The following LRRK1 variants were observed in gnomAD, a reference collection of about 807,000 sequenced individuals.
LRRK1 encodes leucine-rich repeat serine/threonine-protein kinase 1.
A neutral mutation model predicts 209.1 loss-of-function variants in LRRK1; 113 were observed. That is an observed-to-expected ratio of 0.54 (90% confidence interval 0.46 to 0.63). LRRK1 has a LOEUF of 0.63. Ranked by LOEUF, LRRK1 falls within the 30% of genes least tolerant of loss-of-function variation. LRRK1 has a pLI of 0.00. For missense variants in LRRK1, 2,284 were observed against 2,632.2 expected, an observed-to-expected ratio of 0.87 and a Z score of 2.89; for synonymous variants, 1,144 against 1,099.7, an observed-to-expected ratio of 1.04 and a Z score of -0.80.
In LRRK1 at chr15:101,074,007, T is replaced by C. The variant is rs1053778747; in HGVS notation, c.*5159T>C. On this transcript the variant is annotated 3_prime_UTR_variant, in exon 34 of 34. Coordinates refer to ENST00000388948, the MANE Select transcript of LRRK1 (RefSeq NM_024652.6). ...CATCCTGCAAGATCTAAATAATTCT[T>C]GTCGTAAAATGGGCAAATGGTCTGA... The C allele has an allele frequency of 3.1e-4, 47 of 152,110 alleles. No homozygotes were observed. The highest frequency in any genetic ancestry group is 7.2e-4 in the African/African-American group (30 of 41,420). The allele number at this position is 152,110 out of a possible 1,614,324, so 9.4% of individuals were successfully genotyped here.
chr15:101,034,080 A>G (rs1311113574), intron 20 of LRRK1, among the ~76,000 whole-genome samples: 2 of 152,080 alleles, frequency 1.3e-5, no homozygotes, highest in Non-Finnish European at 2.9e-5. Context: ...AAAAATGTCT[A>G]TTCATGTCCT....
chr15:101,000,349 A>C (rs2032624468), intron 6 of LRRK1, among the ~76,000 whole-genome samples: 1 of 152,096 alleles, frequency 6.6e-6, no homozygotes, highest in African/African-American at 2.4e-5. Context: ...TCCTTTTGTT[A>C]TCTGTGTGAT....
At chr15:100,925,108 C>G (rs934623009) in intron 2 of LRRK1, among the ~76,000 whole-genome samples, 4 of 152,160 alleles carry the variant, frequency 2.6e-5, no homozygotes, top group Admixed American at 1.3e-4. Flanking sequence ...CCCGCTATCT[C>G]AAACACAAGT....
intron 12 of LRRK1, among the ~76,000 whole-genome samples, chr15:101,019,294 G>T (rs1447066392): frequency 6.6e-6 from 1 of 152,184 alleles, no homozygotes; most frequent in Non-Finnish European, 1.5e-5. Context: ...TCTCTGGGGA[G>T]AAAGTAAGCC....
Position 101,027,558 on chromosome 15 carries a change from A to G in LRRK1, c.2527-80A>G. 1 of 1,558,386 alleles carries G rather than the reference A, an allele frequency of 6.4e-7. No homozygotes were observed. Among genetic ancestry groups the G allele is most frequent in the Admixed American group, 1.9e-5 (1 of 52,300 alleles). On this transcript the variant is annotated intron_variant, in intron 18 of 33. Transcript: ENST00000388948. The surrounding 1 kb of genome is among the most constrained non-coding windows in gnomAD (Gnocchi z 5.1). Reference sequence around the variant, plus strand: ...GAAACGTCCCACCCCCTCAGGCCACAGGGGCCGGGCAGGATCTGCCCAAGC... The same window carrying G: ...GAAACGTCCCACCCCCTCAGGCCACGGGGGCCGGGCAGGATCTGCCCAAGC...
At chr15:100,942,353 T>C (rs1352105279) in intron 2 of LRRK1, among the ~76,000 whole-genome samples, 2 of 152,220 alleles carry the variant, frequency 1.3e-5, no homozygotes, top group African/African-American at 2.4e-5. Flanking sequence ...TGGCCTGTTC[T>C]TTTTCTCTTT....
chr15:101,045,900 G>T (rs377561844), intron 20 of LRRK1, 81 bp from the exon 21 acceptor site: 2 of 1,248,876 alleles, frequency 1.6e-6, no homozygotes, highest in Admixed American at 3.5e-5. Flanking sequence ...CCTGTCCCCA[G>T]ATCAGGCCAT....
chr15:101,014,547 C>G (rs2033438829), intron 11 of LRRK1, 119 bp downstream of exon 11: 2 of 701,552 alleles, frequency 2.9e-6, no homozygotes, highest in Admixed American at 5.3e-5. Context: ...CAGCTGGGGG[C>G]TTAACAACAG....
At chr15:101,067,957 G>C (rs1326232207) in intron 33 of LRRK1, among the ~76,000 whole-genome samples, 3 of 152,230 alleles carry the variant, frequency 2.0e-5, no homozygotes, top group African/African-American at 4.8e-5. Flanking sequence ...GGGAGGTCCT[G>C]GCAAGGCCAC....
intron 2 of LRRK1, among the ~76,000 whole-genome samples, chr15:100,937,340 G>A (rs751546015): frequency 4.6e-5 from 7 of 152,060 alleles, no homozygotes; most frequent in Admixed American, 2.0e-4. Context: ...ACCAATTGCC[G>A]TCTCTTCCAA....
chr15:101,024,653 C>A lies in LRRK1; in HGVS notation c.2068-150C>A. 1.2e-6 allele frequency: 1 copy of A among 833,094 alleles called. No individual in the cohort carries two copies. 51.6% of individuals were successfully genotyped at this position (833,094 alleles called of 1,614,324 possible). A position where few individuals can be genotyped will look rare whatever the true frequency, so the allele number is the denominator to read the frequency against. On this transcript the variant is annotated intron_variant, in intron 15 of 33. Coordinates refer to ENST00000388948, the MANE Select transcript of LRRK1 (RefSeq NM_024652.6). This position sits in a 1 kb window ranked among gnomAD's most constrained non-coding sequence, Gnocchi z 4.6. ...TGTCCCTCGCCCAGATAACTGTTTCCTAAGAAACAATAGAGTGTCCAGAAC... is the reference window on the plus strand; with the variant it reads ...TGTCCCTCGCCCAGATAACTGTTTCATAAGAAACAATAGAGTGTCCAGAAC...
At chr15:100,997,171 T>G (rs1051419599) in intron 6 of LRRK1, among the ~76,000 whole-genome samples, 1 of 152,124 alleles carries the variant, frequency 6.6e-6, no homozygotes, top group Non-Finnish European at 1.5e-5. Context: ...GCCTTTCAAT[T>G]TCTAAACATA....
At chr15:101,021,492 T>G (rs1596285069) in intron 13 of LRRK1, among the ~76,000 whole-genome samples, 1 of 152,186 alleles carries the variant, frequency 6.6e-6, no homozygotes, top group Non-Finnish European at 1.5e-5. Context: ...CTAGGCAGTG[T>G]GCAAAGCTTG....
rs1347108620 is a variant in LRRK1 at position 101,076,647 on chromosome 15, A to T, written c.*7799A>T. ...CTTTCCATCGTGGAAATCTATCCTC[A>T]AGGAAATAACTTCTCAGTGTTCCAT... On this transcript the variant is annotated 3_prime_UTR_variant, in exon 34 of 34. Transcript: ENST00000388948. The T allele has an allele frequency of 6.6e-6, 1 of 152,252 alleles. No individual in the cohort carries two copies. The highest frequency in any genetic ancestry group is 1.5e-5 in the Non-Finnish European group (1 of 68,130). The allele number at this position is 152,252 out of a possible 1,614,324, so 9.4% of individuals were successfully genotyped here. A position where few individuals can be genotyped will look rare whatever the true frequency, so the allele number is the denominator to read the frequency against.
chr15:100,956,449 T>TTTTTC (rs1336445648), intron 2 of LRRK1, among the ~76,000 whole-genome samples: 10 of 54,530 alleles, frequency 1.8e-4, no homozygotes, highest in African/African-American at 5.6e-4. Context: ...CTTTCCTTTT[T>TTTTTC]TTTTTCTTTT....
chr15:101,066,739 TG>T lies in LRRK1; in HGVS notation c.5870+1del. On this transcript the variant is annotated frameshift_variant and splice_region_variant, in exon 33 of 34. Transcript: ENST00000388948. LOFTEE classifies it high-confidence loss of function. ...TAAAAGCCCGAGAGCTGACTCCGCA[TG>T]GGTAAGACTGAGTGGCAGCTCCTTT... The part of the protein sequence containing the change: ...VLKARELTPH[G>X]VLVDAAVVAK... 6.2e-7 allele frequency: 1 copy of T among 1,613,190 alleles called. No homozygotes were observed. The highest frequency in any genetic ancestry group is 8.5e-7 in the Non-Finnish European group (1 of 1,179,120).
At position 101,069,096 on chromosome 15, in the gene LRRK1, CAG is replaced by C. The variant is rs2036686446; in HGVS notation, c.*249_*250del. 2 of 388,288 alleles carry C rather than the reference CAG, an allele frequency of 5.2e-6. No homozygotes were observed. Among genetic ancestry groups the C allele is most frequent in the Non-Finnish European group, 9.2e-6 (2 of 216,670 alleles). The allele number at this position is 388,288 out of a possible 1,614,324, so 24.1% of individuals were successfully genotyped here. On this transcript the variant is annotated 3_prime_UTR_variant, in exon 34 of 34. Coordinates refer to ENST00000388948, the MANE Select transcript of LRRK1 (RefSeq NM_024652.6). ...GCTGATTTTACAGCCCCAGGGAAGA[CAG>C]TGGTATCAGGCTGGGAGCGGCCTCC...
intron 2 of LRRK1, among the ~76,000 whole-genome samples, chr15:100,959,471 G>A (rs754200942): frequency 1.3e-5 from 2 of 152,178 alleles, no homozygotes; most frequent in Non-Finnish European, 2.9e-5. Flanking sequence ...GCACCCCTGC[G>A]CTAGGCTAGA....
At position 101,010,515 on chromosome 15, in the gene LRRK1, C is replaced by T. The variant is rs751540811; in HGVS notation, c.1055C>T (p.Ser352Leu). Reference protein sequence around the residue: ...SHLPPGFLHLSKLQKLTASKN... With the variant: ...SHLPPGFLHLLKLQKLTASKN... ...CTCCCTCCTGGATTCTTGCACCTCT[C>T]AAAACTTCAAAAACTGACAGCTTCA... is the stretch of plus-strand genomic sequence containing the variant. The change falls in exon 8 of 34, where the codon TCA becomes TTA. Residue 352 changes from serine to leucine, a missense_variant. Physicochemically the swap from Ser to Leu is moderately radical, Grantham distance 145. Around this residue, in one of 6 missense-constraint regions of LRRK1, gnomAD observed 494 missense variants for 522.1 expected, o/e 0.95. Coordinates refer to ENST00000388948, the MANE Select transcript of LRRK1 (RefSeq NM_024652.6). 6.8e-6 allele frequency: 11 copies of T among 1,612,466 alleles called. No individual in the cohort carries two copies. In the East Asian group the frequency reaches 1.1e-4, roughly 16 times the overall value.
Sources: gnomAD v4.1 joint callset for allele counts (sites outside exome capture counted in the v4.1 genomes callset) on GRCh38, gnomAD v4.1.1 for gene constraint, gnomAD v4.1.1 regional missense constraint, Gnocchi (gnomAD v3.1) non-coding constraint, MANE v1.5 for transcripts, NCBI Gene and HGNC (gene_info 2026-07-23, HGNC 2026-07-21) for gene names.